Variants in DCPS observed in about 807,000 individuals in gnomAD.
DCPS encodes decapping enzyme, scavenger, also known as m7GpppX diphosphatase.
DCPS carries 27 observed loss-of-function variants against 34.7 expected under a neutral mutation model. The ratio of observed to expected loss-of-function variants is 0.78; its 90% CI spans 0.57 to 1.07. DCPS has a LOEUF of 1.07. Ranked by LOEUF, DCPS falls within the 50% of genes least tolerant of loss-of-function variation. The probability of loss-of-function intolerance (pLI) is 0.00; values close to 1 mark genes in which losing one functional copy is unlikely to be tolerated. For missense variants in DCPS, 464 were observed against 436.9 expected, an observed-to-expected ratio of 1.06 and a Z score of -0.55; for synonymous variants, 185 against 185.7, an observed-to-expected ratio of 1.00 and a Z score of 0.03.
In DCPS at chr11:126,333,239, G is replaced by A. The variant is rs914435373; in HGVS notation, c.522+1689G>A. 4.6e-5 allele frequency among the ~76,000 whole-genome samples: 7 copies of A among 152,156 alleles called. No individual in the cohort carries two copies. The highest frequency in any genetic ancestry group is 4.1e-4 in the South Asian group (2 of 4,828). On this transcript the variant is annotated intron_variant, in intron 3 of 5. Transcript: ENST00000263579. The surrounding 1 kb of genome is among the most constrained non-coding windows in gnomAD (Gnocchi z 5.7). ...TTCCAACTCCTGACTGACGGGAGCC[G>A]TTCATGTATTCCTTCTTGGCTATTT...
At position 126,327,428 on chromosome 11, in the gene DCPS, G is replaced by A. The variant is rs1329681367; in HGVS notation, c.377-3977G>A. Among the ~76,000 whole-genome samples the A allele has an allele frequency of 6.6e-6, 1 of 152,224 alleles. No individual in the cohort carries two copies. The stretch of plus-strand genomic sequence containing the variant: ...TGACGCCCATGGCCTGGCCGAGGTG[G>A]TAGCCTTTTGCTGCTGTAAAGCGAC... On this transcript the variant is annotated intron_variant, in intron 2 of 5. Coordinates refer to ENST00000263579, the MANE Select transcript of DCPS (RefSeq NM_014026.6). The surrounding 1 kb of genome is among the most constrained non-coding windows in gnomAD (Gnocchi z 4.1).
intron 2 of DCPS, among the ~76,000 whole-genome samples, chr11:126,314,416 C>T (rs899618284): frequency 7.9e-5 from 12 of 152,134 alleles, no homozygotes; most frequent in African/African-American, 2.9e-4. Flanking sequence ...ACAACCATTA[C>T]GGGAAACAGT....
Position 126,346,168 on chromosome 11 carries a change from G to A in DCPS, c.*555G>A, listed in dbSNP as rs934659974. On this transcript the variant is annotated 3_prime_UTR_variant, in exon 6 of 6. Coordinates refer to ENST00000263579, the MANE Select transcript of DCPS (RefSeq NM_014026.6). This position sits in a 1 kb window ranked among gnomAD's most constrained non-coding sequence, Gnocchi z 4.1. The stretch of plus-strand genomic sequence containing the variant: ...AGTCAACCCTGCTGATAAACTTCTT[G>A]TTGACGAGGATAGGGGCTTGGTGCC... 3.3e-5 allele frequency among the ~76,000 whole-genome samples: 5 copies of A among 152,170 alleles called. No individual in the cohort carries two copies. The highest frequency in any genetic ancestry group is 1.2e-4 in the African/African-American group (5 of 41,436).
chr11:126,320,988 G>T lies in DCPS; in HGVS notation c.377-10417G>T, dbSNP rs1284737788. On this transcript the variant is annotated intron_variant, in intron 2 of 5. Coordinates refer to ENST00000263579, the MANE Select transcript of DCPS (RefSeq NM_014026.6). This position sits in a 1 kb window ranked among gnomAD's most constrained non-coding sequence, Gnocchi z 4.7. ...ACATACCAGGTAGCCAGGGAAGGTGGCTCACTCCTGTACTCCCAGCACTTT... is the reference window on the plus strand; with the variant it reads ...ACATACCAGGTAGCCAGGGAAGGTGTCTCACTCCTGTACTCCCAGCACTTT... Among the ~76,000 whole-genome samples, 2 of 152,032 alleles carry T rather than the reference G, an allele frequency of 1.3e-5. No homozygotes were observed. The highest frequency in any genetic ancestry group is 1.9e-4 in the East Asian group (1 of 5,172).
At position 126,312,944 on chromosome 11, in the gene DCPS, G is replaced by T. The variant is rs964439318; in HGVS notation, c.376+6200G>T. On this transcript the variant is annotated intron_variant, in intron 2 of 5. Transcript: ENST00000263579. The surrounding 1 kb of genome is among the most constrained non-coding windows in gnomAD (Gnocchi z 5.1). The stretch of plus-strand genomic sequence containing the variant: ...TGAGGAGCTAATGGCCCGAAGGCTG[G>T]CACCTGAGAGCTTCCTCTGACCCTC... 6.6e-6 allele frequency among the ~76,000 whole-genome samples: 1 copy of T among 152,152 alleles called. No homozygotes were observed. Among genetic ancestry groups the T allele is most frequent in the African/African-American group, 2.4e-5 (1 of 41,428 alleles).
intron 2 of DCPS, among the ~76,000 whole-genome samples, chr11:126,316,818 CTAATTTTTTGTATTTT>C (rs570607873): frequency 6.7e-6 from 1 of 150,314 alleles, no homozygotes; most frequent in South Asian, 2.1e-4. Context: ...CCGCGCCCAG[CTAATTTTTTGTATTTT>C]TAGTAGAGAC....
rs973315005 is a variant in DCPS, at chr11:126,331,001, G to A, written c.377-404G>A. Among the ~76,000 whole-genome samples, 2 of 151,940 alleles carry A rather than the reference G, an allele frequency of 1.3e-5. No individual in the cohort carries two copies. The highest frequency in any genetic ancestry group is 2.9e-5 in the Non-Finnish European group (2 of 67,988). ...TCCGCCTGCCTCGGCCTCCCAAAGT[G>A]CTGGGATTACAGGCGTCAGCCACTG... is the stretch of plus-strand genomic sequence containing the variant. On this transcript the variant is annotated intron_variant, in intron 2 of 5. Transcript: ENST00000263579. This position sits in a 1 kb window ranked among gnomAD's most constrained non-coding sequence, Gnocchi z 7.2.
chr11:126,336,009 C>G lies in DCPS; in HGVS notation c.523-2277C>G, dbSNP rs1951829677. On this transcript the variant is annotated intron_variant, in intron 3 of 5. Coordinates refer to ENST00000263579, the MANE Select transcript of DCPS (RefSeq NM_014026.6). This position sits in a 1 kb window ranked among gnomAD's most constrained non-coding sequence, Gnocchi z 6.3. ...GTGTGGTGGTGGGCACCTATAATCC[C>G]AGCTACTGAGGCAAGAGAATCGCTT... 6.6e-6 allele frequency among the ~76,000 whole-genome samples: 1 copy of G among 151,062 alleles called. No homozygotes were observed. Among genetic ancestry groups the G allele is most frequent in the African/African-American group, 2.4e-5 (1 of 40,966 alleles).
chr11:126,307,836 C>T (rs543259840), intron 2 of DCPS, among the ~76,000 whole-genome samples: 9 of 152,300 alleles, frequency 5.9e-5, no homozygotes, highest in East Asian at 3.9e-4. Flanking sequence ...GAGGACTTTA[C>T]GAATGAGGAA....
Position 126,348,567 on chromosome 11 carries a change from T to C in DCPS, c.*2954T>C, listed in dbSNP as rs980567489. 1.3e-5 allele frequency among the ~76,000 whole-genome samples: 2 copies of C among 152,304 alleles called. No individual in the cohort carries two copies. Among genetic ancestry groups the C allele is most frequent in the East Asian group, 3.9e-4 (2 of 5,178 alleles). On this transcript the variant is annotated 3_prime_UTR_variant, in exon 6 of 6. Transcript: ENST00000263579. The surrounding 1 kb of genome is among the most constrained non-coding windows in gnomAD (Gnocchi z 5.3). ...CCTCAAGGTCTAGAGTGCACCAGGG[T>C]TGGCTGCTCTGCCAAGTCCTGTTGA...
chr11:126,345,221 G>T lies in DCPS; in HGVS notation c.748-126G>T. On this transcript the variant is annotated intron_variant, in intron 5 of 5. Coordinates refer to ENST00000263579, the MANE Select transcript of DCPS (RefSeq NM_014026.6). The surrounding 1 kb of genome is among the most constrained non-coding windows in gnomAD (Gnocchi z 7.4). ...GCAGACAGCAGGTAGAGAGCTGTTTGGAGGGTTTTTGTGAGCTGTCCCAGG... is the reference window on the plus strand; with the variant it reads ...GCAGACAGCAGGTAGAGAGCTGTTTTGAGGGTTTTTGTGAGCTGTCCCAGG... The T allele has an allele frequency of 7.5e-7, 1 of 1,328,776 alleles. No homozygotes were observed. Among genetic ancestry groups the T allele is most frequent in the Non-Finnish European group, 1.0e-6 (1 of 970,078 alleles). The allele number at this position is 1,328,776 out of a possible 1,614,324, so 82.3% of individuals were successfully genotyped here. A position where few individuals can be genotyped will look rare whatever the true frequency, so the allele number is the denominator to read the frequency against.
At position 126,310,631 on chromosome 11, in the gene DCPS, T is replaced by C. The variant is rs554825777; in HGVS notation, c.376+3887T>C. On this transcript the variant is annotated intron_variant, in intron 2 of 5. Coordinates refer to ENST00000263579, the MANE Select transcript of DCPS (RefSeq NM_014026.6). Reference sequence around the variant, plus strand: ...ACCCACAAACTGACCTATGTGTAGATTTGTTTTCCTGTGGGCTGGGCATTC... The same window carrying C: ...ACCCACAAACTGACCTATGTGTAGACTTGTTTTCCTGTGGGCTGGGCATTC... Among the ~76,000 whole-genome samples, 157 of 152,326 alleles carry C rather than the reference T, an allele frequency of 1.0e-3. 1 individual carries two copies. Among genetic ancestry groups the C allele is most frequent in the South Asian group, 2.5e-3 (12 of 4,834 alleles).
At chr11:126,339,542 A>C (rs1391890234) in intron 4 of DCPS, among the ~76,000 whole-genome samples, 1 of 152,230 alleles carries the variant, frequency 6.6e-6, no homozygotes, top group Non-Finnish European at 1.5e-5. Context: ...GGGAATTCCC[A>C]AATGTGACCC....
Position 126,304,175 on chromosome 11 carries a change from T to G in DCPS, c.95T>G (p.Val32Gly), listed in dbSNP as rs761804375. 6.2e-7 allele frequency: 1 copy of G among 1,614,016 alleles called. No homozygotes were observed. The highest frequency in any genetic ancestry group is 2.2e-5 in the East Asian group (1 of 44,858). Residue 32 changes from valine (V) to glycine (G), a missense_variant, in exon 1 of 6, where the codon GTT (valine) becomes GGT (glycine). By Grantham distance (109) the Val-to-Gly change is moderately radical (BLOSUM62 -3). Coordinates refer to ENST00000263579, the MANE Select transcript of DCPS (RefSeq NM_014026.6). The stretch of plus-strand genomic sequence containing the variant: ...AGCACAGAGGAAAAGGAGGCAGGAG[T>G]TGGAAATGGTACCTGTGCTCCTGTC... ...AASTEEKEAG[V>G]GNGTCAPVRL...
chr11:126,306,183 G>A (rs1346964132), intron 1 of DCPS, among the ~76,000 whole-genome samples: 1 of 152,032 alleles, frequency 6.6e-6, no homozygotes, highest in Non-Finnish European at 1.5e-5. Context: ...GACCAGCCTG[G>A]CCAACATGGT....
intron 2 of DCPS, among the ~76,000 whole-genome samples, chr11:126,308,547 T>C (rs1327685298): frequency 6.6e-6 from 1 of 152,242 alleles, no homozygotes; most frequent in Non-Finnish European, 1.5e-5. Flanking sequence ...AATGGACAGC[T>C]GTATTTCCTT....
At chr11:126,305,975 G>C (rs572770684) in intron 1 of DCPS, among the ~76,000 whole-genome samples, 1 of 152,264 alleles carries the variant, frequency 6.6e-6, no homozygotes, top group South Asian at 2.1e-4. Flanking sequence ...TCTGAAATGG[G>C]GAGAACTTGA....
Position 126,345,537 on chromosome 11 carries a change from AGCAGC to A in DCPS, c.942_946del (p.Gln314HisfsTer9). 2 of 1,614,080 alleles carry A rather than the reference AGCAGC, an allele frequency of 1.2e-6. No individual in the cohort carries two copies. Among genetic ancestry groups the A allele is most frequent in the Non-Finnish European group, 1.7e-6 (2 of 1,180,044 alleles). ...TTGGAGTGTGACCCTAGGCACTACC[AGCAGC>A]GCACGCTCACCTTCGCCCTCAGGGC... is the stretch of plus-strand genomic sequence containing the variant. On this transcript the variant is annotated frameshift_variant, in exon 6 of 6. Transcript: ENST00000263579. LOFTEE classifies it high-confidence loss of function. This position sits in a 1 kb window ranked among gnomAD's most constrained non-coding sequence, Gnocchi z 7.4.
At position 126,347,514 on chromosome 11, in the gene DCPS, G is replaced by A. The variant is rs143728826; in HGVS notation, c.*1901G>A. Among the ~76,000 whole-genome samples, 1,638 of 152,252 alleles carry A rather than the reference G, an allele frequency of 0.011. 16 individuals carry two copies. The highest frequency in any genetic ancestry group is 0.027 in the Middle Eastern group (8 of 294). ...GCTGGGATTCCAGGCGTGAGCCACC[G>A]CGCCCAGCCCCTGCAATACGTCAAC... On this transcript the variant is annotated 3_prime_UTR_variant, in exon 6 of 6. Coordinates refer to ENST00000263579, the MANE Select transcript of DCPS (RefSeq NM_014026.6). This position sits in a 1 kb window ranked among gnomAD's most constrained non-coding sequence, Gnocchi z 4.2.
Sources: allele counts gnomAD v4.1 joint callset (sites outside exome capture counted in the v4.1 genomes callset), GRCh38; gene constraint gnomAD v4.1.1; non-coding constraint Gnocchi (gnomAD v3.1); transcripts MANE v1.5; gene names NCBI Gene and HGNC (gene_info 2026-07-23, HGNC 2026-07-21).